Variants in DNAH11 observed in about 807,000 individuals in gnomAD.
The protein encoded by DNAH11 is dynein axonemal heavy chain 11, also known as axonemal beta dynein heavy chain 11.
DNAH11 carries 442 observed loss-of-function variants against 526.0 expected under a neutral mutation model. The ratio of observed to expected loss-of-function variants is 0.84; its 90% CI spans 0.78 to 0.91. The LOEUF is 0.91. Ranked by LOEUF, DNAH11 falls within the 40% of genes least tolerant of loss-of-function variation. DNAH11 has a pLI of 0.00. For synonymous variants in DNAH11, 2,461 were observed against 1,935.9 expected (o/e 1.27, Z -7.12); for missense variants, 6,989 against 5,448.7 (o/e 1.28, Z -8.90).
rs781611945 is a variant in DNAH11, at chr7:21,748,732, A to G, written c.8663A>G (p.Gln2888Arg). ...ACTCTGACCGAGGGCTATGGAATCC[A>G]GGAACTTCGGGTGAGTCAAGGGGAC... ...QITLTEGYGIQELRVDLANLY... is the reference protein window; with the variant it reads ...QITLTEGYGIRELRVDLANLY... The change falls in exon 52 of 82, where the codon CAG becomes CGG. Residue 2888 changes from glutamine to arginine, a missense_variant. Physicochemically the swap from Gln to Arg is conservative, Grantham distance 43 (BLOSUM62 1). Coordinates refer to ENST00000409508, the MANE Select transcript of DNAH11 (RefSeq NM_001277115.2). 3 of 1,613,038 alleles carry G rather than the reference A, an allele frequency of 1.9e-6. No homozygotes were observed. Among genetic ancestry groups the G allele is most frequent in the Non-Finnish European group, 1.7e-6 (2 of 1,179,432 alleles).
In DNAH11 at chr7:21,901,520, G is replaced by A. The variant is rs757380118; in HGVS notation, c.*266G>A. Reference sequence around the variant, plus strand: ...GGAGGCAAAGGTTGCAGTGAGCCGAGGTTGCACCACTGCACTCCCTCCTGG... The same window carrying A: ...GGAGGCAAAGGTTGCAGTGAGCCGAAGTTGCACCACTGCACTCCCTCCTGG... On this transcript the variant is annotated 3_prime_UTR_variant, in exon 82 of 82. Coordinates refer to ENST00000409508, the MANE Select transcript of DNAH11 (RefSeq NM_001277115.2). 3.2e-5 allele frequency: 9 copies of A among 282,964 alleles called. No individual in the cohort carries two copies. Among genetic ancestry groups the A allele is most frequent in the Non-Finnish European group, 4.4e-5 (7 of 158,764 alleles). The allele number at this position is 282,964 out of a possible 1,614,324, so 17.5% of individuals were successfully genotyped here.
In DNAH11 at chr7:21,562,002, A is replaced by G. The variant is rs146742665; in HGVS notation, c.982+832A>G. On this transcript the variant is annotated intron_variant, in intron 5 of 81. Coordinates refer to ENST00000409508, the MANE Select transcript of DNAH11 (RefSeq NM_001277115.2). ...GGTTTTCTGCATGAATTCTGTTTAA[A>G]AAGAGGGCATAAGATAAGGAGGAAT... Among the ~76,000 whole-genome samples the G allele has an allele frequency of 1.5e-4, 23 of 152,256 alleles. No individual in the cohort carries two copies. In the East Asian group the frequency reaches 4.3e-3, roughly 28 times the overall value.
intron 63 of DNAH11, among the ~76,000 whole-genome samples, chr7:21,815,694 C>G (rs967507655): frequency 1.3e-5 from 2 of 152,070 alleles, no homozygotes; most frequent in African/African-American, 4.8e-5. Flanking sequence ...GTTTCATGTA[C>G]GTAGAAAATG....
intron 30 of DNAH11, among the ~76,000 whole-genome samples, chr7:21,660,145 A>C (rs781255137): frequency 2.7e-4 from 41 of 152,094 alleles, no homozygotes; most frequent in Non-Finnish European, 4.3e-4. Context: ...GAAGCTGAGT[A>C]GTTAAATTTT....
chr7:21,856,108 A>G (rs1027872449), intron 68 of DNAH11, among the ~76,000 whole-genome samples: 11 of 152,186 alleles, frequency 7.2e-5, no homozygotes, highest in African/African-American at 1.7e-4. Flanking sequence ...GCAAGGGGAA[A>G]GGTAGCAAGA....
At position 21,801,279 on chromosome 7, in the gene DNAH11, A is replaced by C; in HGVS notation, c.10165+4A>C. On this transcript the variant is annotated splice_donor_region_variant and intron_variant, in intron 62 of 81. Transcript: ENST00000409508. Reference sequence around the variant, plus strand: ...CTTGTCAAGGAACTTGAGGCAAGTTAAACCTTTTCTTCCAAACATTCTAAC... The same window carrying C: ...CTTGTCAAGGAACTTGAGGCAAGTTCAACCTTTTCTTCCAAACATTCTAAC... 1 of 1,613,748 alleles carries C rather than the reference A, an allele frequency of 6.2e-7. No individual in the cohort carries two copies. Among genetic ancestry groups the C allele is most frequent in the Non-Finnish European group, 8.5e-7 (1 of 1,179,804 alleles).
chr7:21,665,349 G>T (rs1220703293), intron 30 of DNAH11, among the ~76,000 whole-genome samples: 1 of 151,874 alleles, frequency 6.6e-6, no homozygotes, highest in African/African-American at 2.4e-5. Context: ...TTCCATTTTT[G>T]GTTATCGTTA....
intron 18 of DNAH11, among the ~76,000 whole-genome samples, chr7:21,604,548 C>T (rs1785212075): frequency 6.6e-6 from 1 of 152,148 alleles, no homozygotes; most frequent in South Asian, 2.1e-4. Flanking sequence ...CTCAAGGGAT[C>T]TCACCCTAAT....
At chr7:21,616,506 A>G (rs1348443247) in intron 22 of DNAH11, among the ~76,000 whole-genome samples, 2 of 152,132 alleles carry the variant, frequency 1.3e-5, no homozygotes, top group Admixed American at 6.5e-5. Flanking sequence ...ATTAGGGTTA[A>G]TGAATTTATG....
intron 31 of DNAH11, 68 bp from the exon 32 acceptor site, chr7:21,683,716 A>G: frequency 6.9e-7 from 1 of 1,451,424 alleles, no homozygotes; most frequent in Non-Finnish European, 9.1e-7. Context: ...AGTAGAGTTG[A>G]TTAGATTAAT....
At chr7:21,896,299 C>T (rs756498788) in intron 79 of DNAH11, among the ~76,000 whole-genome samples, 1 of 152,048 alleles carries the variant, frequency 6.6e-6, no homozygotes, top group African/African-American at 2.4e-5. Flanking sequence ...TGTAAATCAT[C>T]TTGTGTTTCT....
intron 28 of DNAH11, among the ~76,000 whole-genome samples, chr7:21,647,433 T>C (rs923656888): frequency 1.4e-5 from 2 of 147,156 alleles, no homozygotes; most frequent in Non-Finnish European, 3.0e-5. Flanking sequence ...CTTTCTTTTT[T>C]TTTTTTTTTT....
intron 23 of DNAH11, chr7:21,618,165 C>G: frequency 6.4e-6 from 1 of 157,384 alleles, no homozygotes; most frequent in Non-Finnish European, 1.4e-5. Context: ...CCAAAGTTGA[C>G]ACAGAGATAG....
At chr7:21,742,878 T>C (rs1785973519) in intron 49 of DNAH11, among the ~76,000 whole-genome samples, 1 of 152,208 alleles carries the variant, frequency 6.6e-6, no homozygotes, top group African/African-American at 2.4e-5. Context: ...ATTTTATTTC[T>C]CACAGTTCTG....
intron 35 of DNAH11, among the ~76,000 whole-genome samples, chr7:21,691,226 C>T (rs1783609738): frequency 6.7e-6 from 1 of 149,212 alleles, no homozygotes; most frequent in Admixed American, 6.7e-5. Flanking sequence ...CAACAGAACA[C>T]TTCAGGAGGA....
At position 21,636,039 on chromosome 7, in the gene DNAH11, C is replaced by G; in HGVS notation, c.4669C>G (p.Arg1557Gly). The G allele has an allele frequency of 6.2e-7, 1 of 1,613,444 alleles. No individual in the cohort carries two copies. Among genetic ancestry groups the G allele is most frequent in the East Asian group, 2.2e-5 (1 of 44,846 alleles). Residue 1557 changes from arginine to glycine, a missense_variant, in exon 26 of 82, where the codon CGA becomes GGA. Arg to Gly is a moderately radical substitution (Grantham distance 125, BLOSUM62 -2). Transcript: ENST00000409508. ...CATTTTTGTCTGTTCAGAAGATATTCGAATCCAGCTTGTGAAAGATGCTAG... is the reference window on the plus strand; with the variant it reads ...CATTTTTGTCTGTTCAGAAGATATTGGAATCCAGCTTGTGAAAGATGCTAG... Reference protein sequence around the residue: ...ESIFVCSEDIRIQLVKDARRF... With the variant: ...ESIFVCSEDIGIQLVKDARRF...
At chr7:21,563,195 T>G (rs931850753) in intron 5 of DNAH11, among the ~76,000 whole-genome samples, 1 of 152,094 alleles carries the variant, frequency 6.6e-6, no homozygotes, top group Non-Finnish European at 1.5e-5. Context: ...AGCATTTTTT[T>G]GTTTGATTTT....
chr7:21,861,437 A>G (rs1418284998), intron 68 of DNAH11, among the ~76,000 whole-genome samples: 1 of 152,250 alleles, frequency 6.6e-6, no homozygotes, highest in Non-Finnish European at 1.5e-5. Flanking sequence ...GTTCATGAGA[A>G]AAAAATTCCA....
intron 21 of DNAH11, 150 bp downstream of exon 21, chr7:21,615,422 G>A (rs1198982222): frequency 1.3e-5 from 10 of 788,054 alleles, no homozygotes; most frequent in Non-Finnish European, 1.7e-5. Context: ...TAGAGTTCAT[G>A]TATCTCTGTT....
Sources: gnomAD v4.1 joint callset for allele counts (sites outside exome capture counted in the v4.1 genomes callset) on GRCh38, gnomAD v4.1.1 for gene constraint, MANE v1.5 for transcripts, NCBI Gene and HGNC (gene_info 2026-07-23, HGNC 2026-07-21) for gene names.